The following GAP43 variants were observed in gnomAD, a reference collection of about 807,000 sequenced individuals.
The protein encoded by GAP43 is growth associated protein 43, also known as neuromodulin.
Under a neutral mutation model 18.6 loss-of-function variants are expected in GAP43, and 6 were observed. The observed-to-expected ratio is 0.32, with a 90% CI of 0.18 to 0.64. The LOEUF (loss-of-function observed/expected upper bound fraction) is 0.64, where lower values mean the gene tolerates loss of function less well. GAP43 is among the 30% of genes least tolerant of loss of function. The probability of loss-of-function intolerance (pLI) is 0.78; values close to 1 mark genes in which losing one functional copy is unlikely to be tolerated. For synonymous variants in GAP43, 115 were observed against 111.4 expected (o/e 1.03, Z -0.20); for missense variants, 292 against 295.5 (o/e 0.99, Z 0.09).
Position 115,717,897 on chromosome 3 carries a change from A to G in GAP43, c.629-2897A>G, listed in dbSNP as rs973263917. Among the ~76,000 whole-genome samples the G allele has an allele frequency of 3.9e-5, 6 of 152,328 alleles. No homozygotes were observed. In the South Asian group the frequency reaches 6.2e-4, roughly 16 times the overall value. On this transcript the variant is annotated intron_variant, in intron 2 of 2. Coordinates refer to ENST00000305124, the MANE Select transcript of GAP43 (RefSeq NM_002045.4). The stretch of plus-strand genomic sequence containing the variant: ...CTTTTGTCCTAGGACCAGGCAATGG[A>G]TGACAAGAGAAAGTGGGAGAATTTG...
chr3:115,664,449 C>T (rs1350703383), intron 1 of GAP43, among the ~76,000 whole-genome samples: 2 of 152,036 alleles, frequency 1.3e-5, no homozygotes, highest in African/African-American at 2.4e-5. Context: ...ATACTATTTT[C>T]TTTCATCCTC....
intron 2 of GAP43, among the ~76,000 whole-genome samples, chr3:115,690,315 T>G (rs1709093133): frequency 6.6e-6 from 1 of 151,704 alleles, no homozygotes; most frequent in African/African-American, 2.4e-5. Flanking sequence ...TGTCTCTGCT[T>G]GCTTCCAGAC....
chr3:115,671,118 G>T (rs1708810738), intron 1 of GAP43, among the ~76,000 whole-genome samples: 1 of 152,134 alleles, frequency 6.6e-6, no homozygotes, highest in South Asian at 2.1e-4. Flanking sequence ...CCAGATGAAT[G>T]GATGATGTTA....
At chr3:115,709,406 A>C (rs1322815658) in intron 2 of GAP43, among the ~76,000 whole-genome samples, 1 of 152,144 alleles carries the variant, frequency 6.6e-6, no homozygotes, top group African/African-American at 2.4e-5. Flanking sequence ...CTGGAGGCTG[A>C]AATCCCAGCT....
Position 115,700,678 on chromosome 3 carries a change from T to C in GAP43, c.629-20116T>C, listed in dbSNP as rs144894278. Among the ~76,000 whole-genome samples, 6 of 152,272 alleles carry C rather than the reference T, an allele frequency of 3.9e-5. No individual in the cohort carries two copies. The East Asian group carries it at 1.2e-3, about 29-fold the overall frequency. On this transcript the variant is annotated intron_variant, in intron 2 of 2. Transcript: ENST00000305124. ...AGTCTTTTTCTTATTTTCTCCCACA[T>C]CTAAATATTTTCTATGCCATCTTTA...
intron 1 of GAP43, among the ~76,000 whole-genome samples, chr3:115,640,229 A>C (rs1470551143): frequency 6.6e-6 from 1 of 152,120 alleles, no homozygotes; most frequent in African/African-American, 2.4e-5. Context: ...TAGCTGAAAA[A>C]ATATGTCACT....
chr3:115,673,585 A>G (rs1385135054), intron 1 of GAP43, among the ~76,000 whole-genome samples: 1 of 152,252 alleles, frequency 6.6e-6, no homozygotes, highest in African/African-American at 2.4e-5. Flanking sequence ...AAGGTAGAGT[A>G]AAATAAATTA....
intron 2 of GAP43, among the ~76,000 whole-genome samples, chr3:115,701,872 A>G (rs180678093): frequency 1.3e-5 from 2 of 152,216 alleles, no homozygotes; most frequent in African/African-American, 4.8e-5. Context: ...ATTCTCTTTG[A>G]GTCTGATATA....
intron 2 of GAP43, among the ~76,000 whole-genome samples, chr3:115,698,165 A>ATATATATT (rs1709237046): frequency 3.3e-5 from 1 of 30,008 alleles, no homozygotes; most frequent in Non-Finnish European, 6.3e-5. Context: ...TAATATATAA[A>ATATATATT]ATATATTAAA....
chr3:115,645,028 A>G (rs958738381), intron 1 of GAP43, among the ~76,000 whole-genome samples: 2 of 151,970 alleles, frequency 1.3e-5, no homozygotes, highest in African/African-American at 4.8e-5. Context: ...AAATGTACGT[A>G]TTGTTGGCCC....
chr3:115,676,422 C>T lies in GAP43; in HGVS notation c.440C>T (p.Ser147Phe). 6.2e-7 allele frequency: 1 copy of T among 1,614,030 alleles called. No individual in the cohort carries two copies. Among genetic ancestry groups the T allele is most frequent in the Non-Finnish European group, 8.5e-7 (1 of 1,179,928 alleles). Residue 147 changes from serine to phenylalanine, a missense_variant, in exon 2 of 3, where the codon TCC becomes TTC. Coordinates refer to ENST00000305124, the MANE Select transcript of GAP43 (RefSeq NM_002045.4). ...SAETESATKA[S>F]TDNSPSSKAE... ...GAGACAGAAAGTGCCACTAAAGCTT[C>T]CACTGATAACTCGCCGTCCTCCAAG... is the stretch of plus-strand genomic sequence containing the variant.
At chr3:115,688,644 C>T (rs1252602753) in intron 2 of GAP43, among the ~76,000 whole-genome samples, 1 of 152,176 alleles carries the variant, frequency 6.6e-6, no homozygotes, top group Non-Finnish European at 1.5e-5. Context: ...CATGCCTGGG[C>T]AATGGGGCCA....
chr3:115,692,417 G>A (rs182965590), intron 2 of GAP43, among the ~76,000 whole-genome samples: 1 of 152,138 alleles, frequency 6.6e-6, no homozygotes, highest in Non-Finnish European at 1.5e-5. Context: ...AATATCTGTT[G>A]TCATGGAAGT....
At chr3:115,663,920 A>G (rs1411827751) in intron 1 of GAP43, 3 of 1,551,766 alleles carry the variant, frequency 1.9e-6, no homozygotes, top group African/African-American at 2.7e-5. Flanking sequence ...TTCAAGGGTA[A>G]TTTTACCTCA....
At chr3:115,716,057 G>A (rs1319467030) in intron 2 of GAP43, among the ~76,000 whole-genome samples, 1 of 152,196 alleles carries the variant, frequency 6.6e-6, no homozygotes, top group Non-Finnish European at 1.5e-5. Context: ...TGAGCACATA[G>A]TAAGAGCTCG....
chr3:115,706,857 GA>G (rs1709370728), intron 2 of GAP43, among the ~76,000 whole-genome samples: 1 of 152,196 alleles, frequency 6.6e-6, no homozygotes, highest in Non-Finnish European at 1.5e-5. Flanking sequence ...GCATAAGTTA[GA>G]AGAGAAAAGG....
At chr3:115,668,805 G>A (rs916282761) in intron 1 of GAP43, among the ~76,000 whole-genome samples, 2 of 152,056 alleles carry the variant, frequency 1.3e-5, no homozygotes, top group East Asian at 1.9e-4. Context: ...TTGGGAGGCC[G>A]AGGCAGGAAG....
chr3:115,665,005 A>G (rs1384231955), intron 1 of GAP43, among the ~76,000 whole-genome samples: 1 of 152,088 alleles, frequency 6.6e-6, no homozygotes, highest in Non-Finnish European at 1.5e-5. Flanking sequence ...AATTTCTCAA[A>G]TACTGTTCTA....
intron 2 of GAP43, among the ~76,000 whole-genome samples, chr3:115,715,846 C>T (rs2107379311): frequency 6.6e-6 from 1 of 152,258 alleles, no homozygotes; most frequent in Non-Finnish European, 1.5e-5. Flanking sequence ...CTTACCCATT[C>T]TTTTTGGGCA....
Sources: allele counts gnomAD v4.1 joint callset (sites outside exome capture counted in the v4.1 genomes callset), GRCh38; gene constraint gnomAD v4.1.1; transcripts MANE v1.5; gene names NCBI Gene and HGNC (gene_info 2026-07-23, HGNC 2026-07-21).